MAPKAP1: variants seen among roughly 807,000 people sequenced by gnomAD.
The protein encoded by MAPKAP1 is target of rapamycin complex 2 subunit MAPKAP1.
A neutral mutation model predicts 65.7 loss-of-function variants in MAPKAP1; 20 were observed. The observed-to-expected ratio is 0.30, with a 90% CI of 0.21 to 0.44. The LOEUF (loss-of-function observed/expected upper bound fraction) is 0.44. MAPKAP1 is among the 20% of genes least tolerant of loss of function. MAPKAP1 has a pLI of 1.00. For missense variants in MAPKAP1, 423 were observed against 648.0 expected (o/e 0.65, Z 3.77); for synonymous variants, 222 against 244.3 (o/e 0.91, Z 0.85).
rs1437025843 is a variant in MAPKAP1 at position 125,559,478 on chromosome 9, T to A, written c.848+155A>T. ...GCAGAGGCATGAAATACAATGCGAA[T>A]GTCGTCCTCAGCATCTCTCTGGGAG... On this transcript the variant is annotated intron_variant, in intron 6 of 11. Transcript: ENST00000265960. 6 of 637,070 alleles carry A rather than the reference T, an allele frequency of 9.4e-6. No individual in the cohort carries two copies. The African/African-American group carries it at 1.1e-4, about 12-fold the overall frequency. The allele number at this position is 637,070 out of a possible 1,614,324, so 39.5% of individuals were successfully genotyped here.
At chr9:125,556,078 C>G (rs534126997) in intron 6 of MAPKAP1, among the ~76,000 whole-genome samples, 3 of 152,336 alleles carry the variant, frequency 2.0e-5, no homozygotes, top group Admixed American at 6.5e-5. Flanking sequence ...ACAATAACAG[C>G]AGCTAACACT....
At chr9:125,590,246 C>T (rs1831915467) in intron 4 of MAPKAP1, among the ~76,000 whole-genome samples, 1 of 152,142 alleles carries the variant, frequency 6.6e-6, no homozygotes, top group East Asian at 1.9e-4. Flanking sequence ...CCAGAAAGGG[C>T]GTCTGTGTTG....
chr9:125,447,104 G>C lies in MAPKAP1; in HGVS notation c.1346-2506C>G, dbSNP rs1225330598. On this transcript the variant is annotated intron_variant, in intron 10 of 11. Coordinates refer to ENST00000265960, the MANE Select transcript of MAPKAP1 (RefSeq NM_001006617.3). This position sits in a 1 kb window ranked among gnomAD's most constrained non-coding sequence, Gnocchi z 4.5. The stretch of plus-strand genomic sequence containing the variant: ...TCATACCAAGCCAAGTCTCCTGAAA[G>C]GCTGCATATTTGAACCAAGTAACCT... Among the ~76,000 whole-genome samples, 1 of 152,132 alleles carries C rather than the reference G, an allele frequency of 6.6e-6. No individual in the cohort carries two copies. Among genetic ancestry groups the C allele is most frequent in the Admixed American group, 6.5e-5 (1 of 15,280 alleles).
At chr9:125,455,918 ATAGTG>A (rs1172515817) in intron 10 of MAPKAP1, among the ~76,000 whole-genome samples, 1 of 152,134 alleles carries the variant, frequency 6.6e-6, no homozygotes, top group East Asian at 1.9e-4. Flanking sequence ...TTCACTTCTC[ATAGTG>A]TAAGGTTTAG....
chr9:125,625,995 A>T (rs1196913610), intron 4 of MAPKAP1, among the ~76,000 whole-genome samples: 2 of 152,228 alleles, frequency 1.3e-5, no homozygotes, highest in Non-Finnish European at 2.9e-5. Context: ...AAGGTGTAGT[A>T]TGAAGCAAAA....
intron 7 of MAPKAP1, among the ~76,000 whole-genome samples, chr9:125,539,847 G>C (rs1830188550): frequency 6.6e-6 from 1 of 151,758 alleles, no homozygotes; most frequent in African/African-American, 2.4e-5. Context: ...ATGTCAAGTA[G>C]GTCAGTAAAA....
chr9:125,606,404 T>C (rs1832440628), intron 4 of MAPKAP1, among the ~76,000 whole-genome samples: 2 of 152,200 alleles, frequency 1.3e-5, no homozygotes, highest in Non-Finnish European at 2.9e-5. Flanking sequence ...AAATGGGGTA[T>C]AGTAGAAAAG....
intron 10 of MAPKAP1, among the ~76,000 whole-genome samples, chr9:125,458,640 TC>T (rs1482138552): frequency 6.6e-6 from 1 of 151,108 alleles, no homozygotes; most frequent in Admixed American, 6.6e-5. Flanking sequence ...AGGGCAACCA[TC>T]CGATTTCTCA....
chr9:125,693,846 T>TACACACAC (rs1554844769), intron 1 of MAPKAP1, among the ~76,000 whole-genome samples: 31 of 135,446 alleles, frequency 2.3e-4, no homozygotes, highest in African/African-American at 7.7e-4. Context: ...TATACACACA[T>TACACACAC]ACACACACAC....
intron 5 of MAPKAP1, among the ~76,000 whole-genome samples, chr9:125,570,821 T>C (rs1357767421): frequency 6.6e-6 from 1 of 152,114 alleles, no homozygotes; most frequent in African/African-American, 2.4e-5. Flanking sequence ...TGTGTGAACA[T>C]ATTGGCTAAA....
chr9:125,461,692 C>T (rs989006540), intron 10 of MAPKAP1, among the ~76,000 whole-genome samples: 4 of 152,252 alleles, frequency 2.6e-5, no homozygotes, highest in East Asian at 3.9e-4. Flanking sequence ...TGTGAGAGTC[C>T]GTTGTGTTCT....
At chr9:125,583,213 CCTCT>C (rs1160466613) in intron 5 of MAPKAP1, among the ~76,000 whole-genome samples, 79 of 152,162 alleles carry the variant, frequency 5.2e-4, no homozygotes, top group Non-Finnish European at 9.1e-4. Flanking sequence ...CATGCTTTTC[CCTCT>C]GTTGGAATGC....
intron 4 of MAPKAP1, among the ~76,000 whole-genome samples, chr9:125,621,050 C>A (rs1832882652): frequency 6.6e-6 from 1 of 151,994 alleles, no homozygotes; most frequent in Non-Finnish European, 1.5e-5. Flanking sequence ...GGTGGGCAGA[C>A]TGGTTGAGCG....
chr9:125,521,636 G>C, intron 7 of MAPKAP1: 9 of 1,531,632 alleles, frequency 5.9e-6, no homozygotes, highest in Non-Finnish European at 7.9e-6. Flanking sequence ...AATCCAGAGT[G>C]ACAGAATTTC....
chr9:125,548,923 C>A (rs898084943), intron 6 of MAPKAP1, among the ~76,000 whole-genome samples: 2 of 152,152 alleles, frequency 1.3e-5, no homozygotes, highest in African/African-American at 4.8e-5. Context: ...TAAGTTAATA[C>A]ATCATATAAC....
At position 125,588,883 on chromosome 9, in the gene MAPKAP1, C is replaced by G. The variant is rs138874007; in HGVS notation, c.499-3156G>C. Among the ~76,000 whole-genome samples, 5 of 152,338 alleles carry G rather than the reference C, an allele frequency of 3.3e-5. No homozygotes were observed. In the East Asian group the frequency reaches 9.6e-4, roughly 29 times the overall value. The stretch of plus-strand genomic sequence containing the variant: ...AACATCATCCACTGCCACTCCTCCA[C>G]CTGCTCATCAGACTTCGGCTATACC... On this transcript the variant is annotated intron_variant, in intron 4 of 11. Coordinates refer to ENST00000265960, the MANE Select transcript of MAPKAP1 (RefSeq NM_001006617.3).
chr9:125,526,430 C>A (rs1424430215), intron 7 of MAPKAP1, among the ~76,000 whole-genome samples: 1 of 152,222 alleles, frequency 6.6e-6, no homozygotes, highest in African/African-American at 2.4e-5. Flanking sequence ...GAGTATCCAG[C>A]TAATAGCTTA....
chr9:125,598,569 G>A (rs971503022), intron 4 of MAPKAP1, among the ~76,000 whole-genome samples: 2 of 152,164 alleles, frequency 1.3e-5, no homozygotes, highest in Non-Finnish European at 2.9e-5. Flanking sequence ...TAGGGAGGCA[G>A]TACAGTGTGA....
Position 125,595,723 on chromosome 9 carries a change from AG to A in MAPKAP1, c.499-9997del. 1 of 1,540,382 alleles carries A rather than the reference AG, an allele frequency of 6.5e-7. No individual in the cohort carries two copies. The highest frequency in any genetic ancestry group is 8.8e-7 in the Non-Finnish European group (1 of 1,134,814). ...AACAGCTAAGGAATCTCTTCATTGG[AG>A]GGTTGAGCTTTGAAACAACCAATGA... On this transcript the variant is annotated intron_variant, in intron 4 of 11. Transcript: ENST00000265960. The surrounding 1 kb of genome is among the most constrained non-coding windows in gnomAD (Gnocchi z 4.0).
Sources: gnomAD v4.1 joint callset for allele counts (sites outside exome capture counted in the v4.1 genomes callset) on GRCh38, gnomAD v4.1.1 for gene constraint, Gnocchi (gnomAD v3.1) non-coding constraint, MANE v1.5 for transcripts, NCBI Gene and HGNC (gene_info 2026-07-23, HGNC 2026-07-21) for gene names.